The following COBLL1 variants were observed in gnomAD, a reference collection of about 807,000 sequenced individuals.
COBLL1 encodes cordon-bleu protein-like 1.
COBLL1 carries 50 observed loss-of-function variants against 94.8 expected under a neutral mutation model. The observed-to-expected ratio is 0.53, with a 90% CI of 0.42 to 0.67. The LOEUF is 0.67. Ranked by LOEUF, COBLL1 falls within the 30% of genes least tolerant of loss-of-function variation. The pLI is 0.00. For missense variants in COBLL1, 1,362 were observed against 1,348.7 expected (o/e 1.01, Z -0.15); for synonymous variants, 448 against 473.8 (o/e 0.95, Z 0.71).
chr2:164,701,351 C>T (rs1228514342), intron 9 of COBLL1, among the ~76,000 whole-genome samples: 1 of 152,206 alleles, frequency 6.6e-6, no homozygotes, highest in Non-Finnish European at 1.5e-5. Flanking sequence ...TTAAAAGCCA[C>T]TGACCTAGAT....
intron 2 of COBLL1, among the ~76,000 whole-genome samples, chr2:164,781,245 A>AT (rs971304910): frequency 6.6e-6 from 1 of 152,178 alleles, no homozygotes; most frequent in Non-Finnish European, 1.5e-5. Flanking sequence ...AAAACCTTTT[A>AT]TTTTTTAGGT....
intron 2 of COBLL1, among the ~76,000 whole-genome samples, chr2:164,815,963 G>C (rs999739491): frequency 6.6e-6 from 1 of 152,084 alleles, no homozygotes; most frequent in Non-Finnish European, 1.5e-5. Context: ...TGAAAACCCA[G>C]TAGGGACAAA....
intron 7 of COBLL1, among the ~76,000 whole-genome samples, chr2:164,707,615 T>G (rs1262613984): frequency 2.0e-5 from 3 of 152,182 alleles, no homozygotes; most frequent in Non-Finnish European, 4.4e-5. Context: ...AGAGATTTTT[T>G]TCCCCTACTA....
chr2:164,740,333 A>T (rs1322355504), intron 3 of COBLL1, among the ~76,000 whole-genome samples: 1 of 152,138 alleles, frequency 6.6e-6, no homozygotes, highest in Non-Finnish European at 1.5e-5. Flanking sequence ...ACTGCACTCC[A>T]GCCTGTGTGA....
chr2:164,824,747 TA>T (rs1386631873), intron 2 of COBLL1, among the ~76,000 whole-genome samples: 1 of 152,222 alleles, frequency 6.6e-6, no homozygotes, highest in Non-Finnish European at 1.5e-5. Context: ...CTTGCAAAAT[TA>T]TTTTTCTTTA....
chr2:164,679,939 AAAT>A (rs535463767), downstream of COBLL1, among the ~76,000 whole-genome samples: 195 of 150,278 alleles, frequency 1.3e-3, no homozygotes, highest in Admixed American at 2.1e-3. Flanking sequence ...ATATAAATAT[AAAT>A]AATAATAATA....
intron 13 of COBLL1, among the ~76,000 whole-genome samples, chr2:164,687,104 A>AAGAAGAGT (rs550538613): frequency 5.9e-4 from 90 of 152,342 alleles, no homozygotes; most frequent in African/African-American, 2.2e-3. Context: ...AGGATACGGT[A>AAGAAGAGT]AGAAGAGTTG....
intron 3 of COBLL1, among the ~76,000 whole-genome samples, chr2:164,737,811 A>C (rs1686390314): frequency 6.6e-6 from 1 of 152,146 alleles, no homozygotes; most frequent in South Asian, 2.1e-4. Flanking sequence ...TAATCCATGT[A>C]AAATGCTCCC....
At chr2:164,790,586 GT>G (rs1683139105) in intron 2 of COBLL1, among the ~76,000 whole-genome samples, 1 of 152,164 alleles carries the variant, frequency 6.6e-6, no homozygotes, top group Admixed American at 6.5e-5. Flanking sequence ...TAAAGTTGAA[GT>G]TTCCACGAAC....
At position 164,695,217 on chromosome 2, in the gene COBLL1, A is replaced by T; in HGVS notation, c.2175T>A (p.Tyr725Ter). The change falls in exon 12 of 14, where the codon TAT (tyrosine) becomes TAA (stop). Residue 725 changes from tyrosine (Y) to a stop codon, truncating the protein, a stop_gained. Coordinates refer to ENST00000652658, the MANE Select transcript of COBLL1 (RefSeq NM_001365672.2). LOFTEE classifies it high-confidence loss of function. ...AAGTAGTCATGCCAATTTTGGGTAT[A>T]TACTCTCGTGTAATTTCATTTGAAG... ...PKPSNEITREYIPKIGMTTYK... is the reference protein window; with the variant it reads ...PKPSNEITRE 6.2e-7 allele frequency: 1 copy of T among 1,613,980 alleles called. No homozygotes were observed. The highest frequency in any genetic ancestry group is 8.5e-7 in the Non-Finnish European group (1 of 1,179,956).
chr2:164,772,859 G>A (rs1333900636), intron 2 of COBLL1, among the ~76,000 whole-genome samples: 1 of 152,042 alleles, frequency 6.6e-6, no homozygotes, highest in Admixed American at 6.6e-5. Context: ...GTACAGTACT[G>A]TAAGCAAGGA....
intron 8 of COBLL1, 136 bp from the exon 9 acceptor site, chr2:164,704,654 C>G (rs1684490486): frequency 1.4e-6 from 1 of 710,750 alleles, no homozygotes. Context: ...CTGTAAAACA[C>G]TAAAATCCAC....
chr2:164,720,833 C>G (rs1386654246), intron 7 of COBLL1, among the ~76,000 whole-genome samples: 2 of 152,132 alleles, frequency 1.3e-5, no homozygotes, highest in Non-Finnish European at 2.9e-5. Flanking sequence ...ATTCTCCCAA[C>G]TCTCAAGCAG....
intron 2 of COBLL1, among the ~76,000 whole-genome samples, chr2:164,760,053 T>C (rs1448105767): frequency 6.6e-6 from 1 of 152,192 alleles, no homozygotes; most frequent in Non-Finnish European, 1.5e-5. Context: ...CCTAGGTATT[T>C]GCACAAGAGT....
chr2:164,670,545 T>C (rs1691226841), intron 1 of COBLL1, among the ~76,000 whole-genome samples: 1 of 152,252 alleles, frequency 6.6e-6, no homozygotes. Context: ...ACAAAGAAGT[T>C]CTGTTATGGC....
In COBLL1 at chr2:164,841,307, A is replaced by G. The variant is rs1399044427; in HGVS notation, c.-50-61T>C. On this transcript the variant is annotated intron_variant, in intron 1 of 13. Transcript: ENST00000652658. The surrounding 1 kb of genome is among the most constrained non-coding windows in gnomAD (Gnocchi z 5.5). ...GCGCGCCTTCCCGAGGCCGGAGCGA[A>G]GCTGGCTGAGCGTCAAGAGCCCGCC... The G allele has an allele frequency of 1.6e-6, 2 of 1,212,934 alleles. No homozygotes were observed. The highest frequency in any genetic ancestry group is 3.2e-5 in the African/African-American group (2 of 63,474). The allele number at this position is 1,212,934 out of a possible 1,614,324, so 75.1% of individuals were successfully genotyped here. A position where few individuals can be genotyped will look rare whatever the true frequency, so the allele number is the denominator to read the frequency against.
intron 2 of COBLL1, among the ~76,000 whole-genome samples, chr2:164,763,167 G>T (rs575929381): frequency 6.6e-6 from 1 of 152,104 alleles, no homozygotes; most frequent in Non-Finnish European, 1.5e-5. Context: ...TATAGGAAAA[G>T]CTCACTGATT....
intron 3 of COBLL1, among the ~76,000 whole-genome samples, chr2:164,741,676 A>G (rs941620126): frequency 6.6e-6 from 1 of 152,172 alleles, no homozygotes; most frequent in African/African-American, 2.4e-5. Context: ...GCCCAGAAAC[A>G]TAAAGCTGAC....
chr2:164,744,381 G>A (rs913853779), intron 2 of COBLL1, among the ~76,000 whole-genome samples: 11 of 151,984 alleles, frequency 7.2e-5, no homozygotes, highest in Non-Finnish European at 1.3e-4. Flanking sequence ...CACCCTGTTT[G>A]CCCCAAACTA....
Sources: allele counts gnomAD v4.1 joint callset (sites outside exome capture counted in the v4.1 genomes callset), GRCh38; gene constraint gnomAD v4.1.1; non-coding constraint Gnocchi (gnomAD v3.1); transcripts MANE v1.5; gene names NCBI Gene and HGNC (gene_info 2026-07-23, HGNC 2026-07-21).